The following DSCAM variants were observed in gnomAD, a reference collection of about 807,000 sequenced individuals.
The protein encoded by DSCAM is DS cell adhesion molecule.
In DSCAM, 47 loss-of-function variants were observed where a neutral mutation model predicts 217.7. The observed-to-expected ratio is 0.22, with a 90% CI of 0.17 to 0.28. DSCAM has a LOEUF of 0.28. Ranked by LOEUF, DSCAM falls within the 10% of genes least tolerant of loss-of-function variation. The probability of loss-of-function intolerance (pLI) is 1.00; values close to 1 mark genes in which losing one functional copy is unlikely to be tolerated. For missense variants in DSCAM, 2,080 were observed against 2,618.3 expected (o/e 0.79, Z 4.49); for synonymous variants, 1,056 against 1,015.3 (o/e 1.04, Z -0.76).
intron 3 of DSCAM, among the ~76,000 whole-genome samples, chr21:40,431,087 C>CA (rs1324797171): frequency 6.6e-6 from 1 of 152,178 alleles, no homozygotes; most frequent in Non-Finnish European, 1.5e-5. Flanking sequence ...ATAAATAGAA[C>CA]AAAAATAGTT....
chr21:40,571,317 CATAA>C (rs1428747246), intron 3 of DSCAM, among the ~76,000 whole-genome samples: 2 of 152,080 alleles, frequency 1.3e-5, no homozygotes, highest in African/African-American at 4.8e-5. Flanking sequence ...ATATTCTTCT[CATAA>C]ATAAAATATG....
At position 40,305,389 on chromosome 21, in the gene DSCAM, C is replaced by CAAAA. The variant is rs58738453; in HGVS notation, c.2062+6688_2062+6691dup. 3.8e-3 allele frequency among the ~76,000 whole-genome samples: 263 copies of CAAAA among 68,494 alleles called. 3 individuals carry two copies. Among genetic ancestry groups the CAAAA allele is most frequent in the East Asian group, 0.03 (78 of 2,610 alleles). 44.9% of individuals were successfully genotyped at this position (68,494 alleles called of 152,430 possible). ...TGGGTGACAGAGCAAGATCCCGTCT[C>CAAAA]AAAAAAAAAAAAAAAAAAAGGAAGA... is the stretch of plus-strand genomic sequence containing the variant. On this transcript the variant is annotated intron_variant, in intron 9 of 32. Transcript: ENST00000400454.
At position 40,128,977 on chromosome 21, in the gene DSCAM, A is replaced by G. The variant is rs1165472518; in HGVS notation, c.3563-4649T>C. Among the ~76,000 whole-genome samples the G allele has an allele frequency of 2.6e-5, 4 of 152,362 alleles. No individual in the cohort carries two copies. The East Asian group carries it at 5.8e-4, about 22-fold the overall frequency. On this transcript the variant is annotated intron_variant, in intron 19 of 32. Transcript: ENST00000400454. ...CATACCTTAATGTAAAAATACCACA[A>G]TCATTTTTCTGAAACAGTATTGCCT...
At chr21:40,733,612 T>C (rs1481571146) in intron 1 of DSCAM, among the ~76,000 whole-genome samples, 2 of 152,148 alleles carry the variant, frequency 1.3e-5, no homozygotes, top group Non-Finnish European at 2.9e-5. Flanking sequence ...ATGGCACCCA[T>C]AGACTGTGGG....
At chr21:40,180,248 G>A (rs2146805149) in intron 14 of DSCAM, among the ~76,000 whole-genome samples, 1 of 152,330 alleles carries the variant, frequency 6.6e-6, no homozygotes, top group African/African-American at 2.4e-5. Context: ...GGTGAGTATG[G>A]CAGTTTAGGG....
chr21:40,343,052 CTATCT>C (rs1333658556), intron 6 of DSCAM, among the ~76,000 whole-genome samples: 7 of 151,504 alleles, frequency 4.6e-5, no homozygotes, highest in Non-Finnish European at 8.8e-5. Context: ...AAATATATTC[CTATCT>C]TATGTTTTAT....
chr21:40,531,938 C>T (rs1305583885), intron 3 of DSCAM, among the ~76,000 whole-genome samples: 3 of 152,134 alleles, frequency 2.0e-5, no homozygotes, highest in Non-Finnish European at 4.4e-5. Flanking sequence ...CACAGTGGGT[C>T]CAGCGACATG....
At chr21:40,706,129 G>A (rs1166394051) in intron 2 of DSCAM, among the ~76,000 whole-genome samples, 3 of 148,970 alleles carry the variant, frequency 2.0e-5, no homozygotes, top group Admixed American at 6.7e-5. Flanking sequence ...GCAGTGAGCC[G>A]AGATCGCGCG....
intron 3 of DSCAM, among the ~76,000 whole-genome samples, chr21:40,565,826 A>G (rs1258850038): frequency 6.6e-6 from 1 of 152,168 alleles, no homozygotes; most frequent in Non-Finnish European, 1.5e-5. Context: ...TCTGCCTCCA[A>G]AACTTCAGAG....
intron 3 of DSCAM, among the ~76,000 whole-genome samples, chr21:40,673,442 T>C (rs934417345): frequency 1.2e-4 from 19 of 152,354 alleles, no homozygotes; most frequent in African/African-American, 4.6e-4. Context: ...TAACCCTGAA[T>C]TGTTGAACTC....
intron 9 of DSCAM, among the ~76,000 whole-genome samples, chr21:40,305,652 C>T (rs2074065370): frequency 6.6e-6 from 1 of 152,148 alleles, no homozygotes; most frequent in Non-Finnish European, 1.5e-5. Flanking sequence ...TTTCAGCTTT[C>T]TACATATGGC....
chr21:40,568,810 G>C (rs1046545990), intron 3 of DSCAM, among the ~76,000 whole-genome samples: 1 of 152,150 alleles, frequency 6.6e-6, no homozygotes, highest in African/African-American at 2.4e-5. Flanking sequence ...GAGGCCCCAG[G>C]AGCTCACTCA....
In DSCAM at chr21:40,731,728, ACCCC is replaced by A. The variant is rs148482159; in HGVS notation, c.44-22961_44-22958del. On this transcript the variant is annotated intron_variant, in intron 1 of 32. Transcript: ENST00000400454. ...AACTTAATTACCTCCTTCCCACTGC[ACCCC>A]CCCCCCCGCCCCCCGGGTGAGAGTC... 7.9e-4 allele frequency among the ~76,000 whole-genome samples: 63 copies of A among 79,738 alleles called. 1 individual carries two copies. The highest frequency in any genetic ancestry group is 2.5e-3 in the African/African-American group (58 of 22,748). The allele number at this position is 79,738 out of a possible 152,430, so 52.3% of individuals were successfully genotyped here. A position where few individuals can be genotyped will look rare whatever the true frequency, so the allele number is the denominator to read the frequency against.
At position 40,270,551 on chromosome 21, in the gene DSCAM, G is replaced by A. The variant is rs184385623; in HGVS notation, c.2356+5546C>T. On this transcript the variant is annotated intron_variant, in intron 11 of 32. Coordinates refer to ENST00000400454, the MANE Select transcript of DSCAM (RefSeq NM_001389.5). ...GGCACTAATTTGTCATGTTTGGGAA[G>A]GACTTAAACTATAATTCAGAAATGA... Among the ~76,000 whole-genome samples the A allele has an allele frequency of 3.4e-3, 519 of 152,222 alleles. 1 individual carries two copies. The highest frequency in any genetic ancestry group is 0.011 in the African/African-American group (470 of 41,538).
At chr21:40,777,529 A>G (rs916317773) in intron 1 of DSCAM, among the ~76,000 whole-genome samples, 1 of 152,250 alleles carries the variant, frequency 6.6e-6, no homozygotes, top group Non-Finnish European at 1.5e-5. Context: ...CGTTGGATGA[A>G]ACACAATTCA....
At position 40,640,531 on chromosome 21, in the gene DSCAM, GCAAA is replaced by G. The variant is rs370071565; in HGVS notation, c.508+52275_508+52278del. On this transcript the variant is annotated intron_variant, in intron 3 of 32. Transcript: ENST00000400454. ...TTTAACTAAAAATGTTCCAGAGAAA[GCAAA>G]CAGTGTAAAGCTATTAAGGAAGGCG... is the stretch of plus-strand genomic sequence containing the variant. Among the ~76,000 whole-genome samples, 162 of 152,290 alleles carry G rather than the reference GCAAA, an allele frequency of 1.1e-3. 3 individuals are homozygous for G. The highest frequency in any genetic ancestry group is 3.6e-3 in the African/African-American group (151 of 41,538).
At chr21:40,418,281 G>A (rs919424986) in intron 3 of DSCAM, among the ~76,000 whole-genome samples, 3 of 152,108 alleles carry the variant, frequency 2.0e-5, no homozygotes, top group Non-Finnish European at 4.4e-5. Context: ...CCAGAGGAAA[G>A]GATTCAGTGA....
chr21:40,286,164 A>G (rs2073821270), intron 10 of DSCAM, among the ~76,000 whole-genome samples: 1 of 152,138 alleles, frequency 6.6e-6, no homozygotes, highest in Admixed American at 6.5e-5. Context: ...TATTCTGGTG[A>G]TCCACACTAA....
intron 3 of DSCAM, among the ~76,000 whole-genome samples, chr21:40,387,645 C>T (rs754058058): frequency 1.3e-5 from 2 of 152,130 alleles, no homozygotes; most frequent in African/African-American, 2.4e-5. Context: ...TCTTGAGCTT[C>T]CAGTACCAAA....
Sources: allele counts gnomAD v4.1 joint callset (sites outside exome capture counted in the v4.1 genomes callset), GRCh38; gene constraint gnomAD v4.1.1; transcripts MANE v1.5; gene names NCBI Gene and HGNC (gene_info 2026-07-23, HGNC 2026-07-21).